KIF1B: variants seen among roughly 807,000 people sequenced by gnomAD.
KIF1B encodes the protein kinesin family member 1B, also known as kinesin-like protein KIF1B.
In KIF1B, 76 loss-of-function variants were observed where a neutral mutation model predicts 241.9. That is an observed-to-expected ratio of 0.31 (90% confidence interval 0.26 to 0.38). KIF1B has a LOEUF of 0.38. Ranked by LOEUF, KIF1B falls within the 10% of genes least tolerant of loss-of-function variation. The pLI, the probability that KIF1B is intolerant of heterozygous loss-of-function variation, is 1.00. For missense variants in KIF1B, 1,622 were observed against 2,271.4 expected (o/e 0.71, Z 5.81); for synonymous variants, 750 against 796.7 (o/e 0.94, Z 0.99).
Position 10,378,815 on chromosome 1 carries a change from G to A in KIF1B, c.*2228G>A, listed in dbSNP as rs1638953177. On this transcript the variant is annotated 3_prime_UTR_variant, in exon 49 of 49. Coordinates refer to ENST00000676179, the MANE Select transcript of KIF1B (RefSeq NM_001365951.3). ...GTGAATCACGGAGAGAGAAAGGAAAGGATAGAATCACAGGCTGCGTCTGCA... is the reference window on the plus strand; with the variant it reads ...GTGAATCACGGAGAGAGAAAGGAAAAGATAGAATCACAGGCTGCGTCTGCA... 1 of 249,368 alleles carries A rather than the reference G, an allele frequency of 4.0e-6. No individual in the cohort carries two copies. Among genetic ancestry groups the A allele is most frequent in the African/African-American group, 2.2e-5 (1 of 45,738 alleles). 15.4% of individuals were successfully genotyped at this position (249,368 alleles called of 1,614,324 possible).
In KIF1B at chr1:10,313,770, T is replaced by C. The variant is rs940751102; in HGVS notation, c.2116-6273T>C. ...TTTCACCGTGTTAGCCAGGATGGTC[T>C]TGATCTCCTGACCTCGTGATCTGCC... is the stretch of plus-strand genomic sequence containing the variant. On this transcript the variant is annotated intron_variant, in intron 22 of 48. Transcript: ENST00000676179. Among the ~76,000 whole-genome samples, 4 of 150,896 alleles carry C rather than the reference T, an allele frequency of 2.7e-5. 1 individual carries two copies. Among genetic ancestry groups the C allele is most frequent in the African/African-American group, 9.9e-5 (4 of 40,452 alleles).
intron 28 of KIF1B, among the ~76,000 whole-genome samples, chr1:10,335,531 C>T (rs140475641): frequency 2.6e-5 from 4 of 152,294 alleles, no homozygotes; most frequent in East Asian, 3.9e-4. Context: ...GGATTACAGG[C>T]GTCAGCCACT....
chr1:10,291,507 G>A (rs1450653785), intron 16 of KIF1B, among the ~76,000 whole-genome samples: 2 of 152,062 alleles, frequency 1.3e-5, no homozygotes, highest in Non-Finnish European at 2.9e-5. Context: ...TCGGGAGATC[G>A]AGACCATCCT....
chr1:10,307,787 A>G (rs1650902436), intron 22 of KIF1B: 3 of 1,038,024 alleles, frequency 2.9e-6, no homozygotes, highest in Non-Finnish European at 3.5e-6. Flanking sequence ...TAATGGGAAT[A>G]TAGAGGAGTC....
chr1:10,256,287 C>T lies in KIF1B; in HGVS notation c.147C>T (p.Ser49=). The T allele has an allele frequency of 1.2e-6, 2 of 1,612,682 alleles. No homozygotes were observed. Among genetic ancestry groups the T allele is most frequent in the Non-Finnish European group, 1.7e-6 (2 of 1,178,692 alleles). ...NPKNPKEAPK[S]FSFDYSYWSH... ...AGAATCCAAAGGAAGCTCCAAAGTC[C>T]TTCAGCTTCGACTATTCCTACTGGT... is the stretch of plus-strand genomic sequence containing the variant. Residue 49 remains serine, a synonymous_variant, in exon 3 of 49, where the codon TCC becomes TCT. Transcript: ENST00000676179.
Position 10,361,749 on chromosome 1 carries a change from T to C in KIF1B, c.4228T>C (p.Ser1410Pro). 6.2e-7 allele frequency: 1 copy of C among 1,614,094 alleles called. No individual in the cohort carries two copies. The highest frequency in any genetic ancestry group is 8.5e-7 in the Non-Finnish European group (1 of 1,180,020). ...ITKDVCMVFY[S>P]RDAKISPPRS... Reference sequence around the variant, plus strand: ...CAAGGATGTGTGCATGGTCTTCTACTCCCGAGATGCCAAGATCTCACCACC... The same window carrying C: ...CAAGGATGTGTGCATGGTCTTCTACCCCCGAGATGCCAAGATCTCACCACC... The change falls in exon 40 of 49, where the codon TCC becomes CCC. Residue 1410 changes from serine to proline, a missense_variant. Ser to Pro is a moderately conservative substitution (Grantham distance 74). Transcript: ENST00000676179.
chr1:10,290,055 T>C (rs527789282), intron 15 of KIF1B, among the ~76,000 whole-genome samples: 1 of 152,246 alleles, frequency 6.6e-6, no homozygotes, highest in Admixed American at 6.5e-5. Flanking sequence ...GAATAAATCA[T>C]CACTTACTTC....
chr1:10,338,238 A>T (rs1652255494), intron 31 of KIF1B, among the ~76,000 whole-genome samples: 1 of 152,168 alleles, frequency 6.6e-6, no homozygotes, highest in African/African-American at 2.4e-5. Flanking sequence ...GGTGCCACCA[A>T]GAGGCTGCTT....
Position 10,326,028 on chromosome 1 carries a change from C to A in KIF1B, c.2676-83C>A. 6.5e-7 allele frequency: 1 copy of A among 1,548,650 alleles called. No individual in the cohort carries two copies. Among genetic ancestry groups the A allele is most frequent in the Non-Finnish European group, 8.9e-7 (1 of 1,126,484 alleles). On this transcript the variant is annotated intron_variant, in intron 26 of 48. Coordinates refer to ENST00000676179, the MANE Select transcript of KIF1B (RefSeq NM_001365951.3). The surrounding 1 kb of genome is among the most constrained non-coding windows in gnomAD (Gnocchi z 5.2). ...GTGTTGATTCCCCAGTGGATTCTGT[C>A]CTGTTAGCACCTATTGCTTCCTGTT... is the stretch of plus-strand genomic sequence containing the variant.
At chr1:10,328,256 C>T (rs1408269608) in intron 27 of KIF1B, among the ~76,000 whole-genome samples, 1 of 151,972 alleles carries the variant, frequency 6.6e-6, no homozygotes, top group Admixed American at 6.6e-5. Flanking sequence ...GTCGGAACCT[C>T]ATAACTAAAT....
chr1:10,316,070 A>AAT (rs1553167030), intron 22 of KIF1B, among the ~76,000 whole-genome samples: 5 of 148,402 alleles, frequency 3.4e-5, no homozygotes, highest in Non-Finnish European at 4.5e-5. Flanking sequence ...AAAAAAAAAA[A>AAT]AAAAAGCTAT....
At chr1:10,309,782 T>G (rs1267626735) in intron 22 of KIF1B, among the ~76,000 whole-genome samples, 1 of 151,566 alleles carries the variant, frequency 6.6e-6, no homozygotes, top group Non-Finnish European at 1.5e-5. Context: ...CCTCAGGGGC[T>G]TTCCATTGCA....
intron 2 of KIF1B, among the ~76,000 whole-genome samples, chr1:10,253,620 G>A (rs902114018): frequency 1.3e-5 from 2 of 152,142 alleles, no homozygotes; most frequent in African/African-American, 4.8e-5. Context: ...TCCAGTCTGG[G>A]CCTCAGAGTT....
Position 10,343,227 on chromosome 1 carries a change from T to C in KIF1B, c.3633-5T>C. The C allele has an allele frequency of 7.4e-6, 12 of 1,614,168 alleles. No individual in the cohort carries two copies. The highest frequency in any genetic ancestry group is 1.0e-5 in the Non-Finnish European group (12 of 1,179,998). On this transcript the variant is annotated splice_polypyrimidine_tract_variant and splice_region_variant and intron_variant, in intron 33 of 48. Transcript: ENST00000676179. ...GTCTTGATCTTTGTCTTCCTTTCTT[T>C]GCAGTCCGCCTCAGCCGTGCCGCCG...
At position 10,381,050 on chromosome 1, in the gene KIF1B, G is replaced by C. The variant is rs912908045; in HGVS notation, c.*4463G>C. On this transcript the variant is annotated 3_prime_UTR_variant, in exon 49 of 49. Transcript: ENST00000676179. ...GCTCATAGCCAAACGGCTGTGCTCA[G>C]ATGGAAAGTCTGAGCTGAGGTTGGT... The C allele has an allele frequency of 5.4e-5, 12 of 223,724 alleles. No individual in the cohort carries two copies. The highest frequency in any genetic ancestry group is 2.5e-4 in the African/African-American group (11 of 44,838). The allele number at this position is 223,724 out of a possible 1,614,324, so 13.9% of individuals were successfully genotyped here. A position where few individuals can be genotyped will look rare whatever the true frequency, so the allele number is the denominator to read the frequency against.
intron 15 of KIF1B, among the ~76,000 whole-genome samples, chr1:10,283,066 G>C (rs531781849): frequency 1.3e-5 from 2 of 151,914 alleles, no homozygotes; most frequent in Non-Finnish European, 2.9e-5. Flanking sequence ...AATTAGCCGG[G>C]CGTGGTGGCG....
chr1:10,363,747 T>G (rs1163355774), intron 41 of KIF1B, among the ~76,000 whole-genome samples: 4 of 152,208 alleles, frequency 2.6e-5, no homozygotes, highest in Non-Finnish European at 5.9e-5. Flanking sequence ...TTCTGTATTC[T>G]TTTTAATGTG....
intron 22 of KIF1B, chr1:10,308,516 C>A (rs890305960): frequency 3.0e-4 from 314 of 1,029,874 alleles, no homozygotes; most frequent in Admixed American, 4.0e-4. Context: ...AGTGTAAGAT[C>A]TGCCTTTTCA....
chr1:10,232,637 A>G (rs116588123), intron 2 of KIF1B, among the ~76,000 whole-genome samples: 2,853 of 152,276 alleles, frequency 0.019, 39 homozygotes, highest in Non-Finnish European at 0.028. Context: ...ACCCTGTACA[A>G]TTGAGAAACC....
Sources: allele counts gnomAD v4.1 joint callset (sites outside exome capture counted in the v4.1 genomes callset), GRCh38; gene constraint gnomAD v4.1.1; non-coding constraint Gnocchi (gnomAD v3.1); transcripts MANE v1.5; gene names NCBI Gene and HGNC (gene_info 2026-07-23, HGNC 2026-07-21).